DUSP22: variants seen among roughly 807,000 people sequenced by gnomAD.
DUSP22 encodes the protein dual specificity phosphatase 22, also known as dual specificity protein phosphatase 22.
DUSP22 carries 24 observed loss-of-function variants against 24.5 expected under a neutral mutation model. The observed-to-expected ratio is 0.98, with a 90% CI of 0.71 to 1.38. The LOEUF (loss-of-function observed/expected upper bound fraction) is 1.38. DUSP22 is among the 40% of genes most tolerant of loss of function. DUSP22 has a pLI of 0.00. For synonymous variants in DUSP22, 160 were observed against 106.4 expected, an observed-to-expected ratio of 1.50 and a Z score of -3.10; for missense variants, 330 against 269.2, an observed-to-expected ratio of 1.23 and a Z score of -1.58.
chr6:345,951 A>G (rs1334777411), intron 5 of DUSP22, 23 bp downstream of exon 5: 8 of 1,613,554 alleles, frequency 5.0e-6, no homozygotes, highest in Non-Finnish European at 6.8e-6. Flanking sequence ...CTTGCTTAAT[A>G]GCGCCTTAGC....
chr6:334,444 G>C (rs114500797), intron 3 of DUSP22, among the ~76,000 whole-genome samples: 333 of 152,186 alleles, frequency 2.2e-3, no homozygotes, highest in African/African-American at 7.5e-3. Flanking sequence ...GCCTGTTGTA[G>C]CATGGATTTA....
chr6:335,407 G>A (rs1452223648), intron 4 of DUSP22, among the ~76,000 whole-genome samples: 1 of 152,300 alleles, frequency 6.6e-6, no homozygotes. Flanking sequence ...CTGTCCACAA[G>A]AAGGGTCTGA....
intron 3 of DUSP22, among the ~76,000 whole-genome samples, chr6:316,325 G>A (rs561207837): frequency 5.7e-4 from 87 of 152,392 alleles, no homozygotes; most frequent in East Asian, 1.9e-3. Flanking sequence ...GTAAAATGGC[G>A]GAAAATCATT....
intron 3 of DUSP22, among the ~76,000 whole-genome samples, chr6:333,799 G>A (rs1289113437): frequency 6.6e-6 from 1 of 152,298 alleles, no homozygotes; most frequent in African/African-American, 2.4e-5. Context: ...GCCCACGTGT[G>A]CTTCCCGGAT....
chr6:350,123 T>A lies in DUSP22; in HGVS notation c.*1172T>A, dbSNP rs1438236485. ...TGAATGTTTTTGGAAAGGTGTTTTTTGGTATGCAAGTCAGCTTTGCCTCAC... is the reference window on the plus strand; with the variant it reads ...TGAATGTTTTTGGAAAGGTGTTTTTAGGTATGCAAGTCAGCTTTGCCTCAC... On this transcript the variant is annotated 3_prime_UTR_variant, in exon 7 of 7. Transcript: ENST00000419235. 3.0e-6 allele frequency: 3 copies of A among 985,926 alleles called. No homozygotes were observed. The African/African-American group carries it at 5.2e-5, about 17-fold the overall frequency. The allele number at this position is 985,926 out of a possible 1,614,324, so 61.1% of individuals were successfully genotyped here. A position where few individuals can be genotyped will look rare whatever the true frequency, so the allele number is the denominator to read the frequency against.
At position 311,950 on chromosome 6, in the gene DUSP22, G is replaced by T. The variant is rs746451164; in HGVS notation, c.126G>T (p.Arg42Ser). 28 of 1,611,986 alleles carry T rather than the reference G, an allele frequency of 1.7e-5. No homozygotes were observed. The highest frequency in any genetic ancestry group is 2.4e-5 in the Non-Finnish European group (28 of 1,178,790). Reference protein sequence around the residue: ...THILSVHDSARPMLEGVKYLC... With the variant: ...THILSVHDSASPMLEGVKYLC... Reference sequence around the variant, plus strand: ...TTCTGTCTGTCCACGATAGTGCCAGGCCTATGTTGGAGGTAAGAGAGCACC... The same window carrying T: ...TTCTGTCTGTCCACGATAGTGCCAGTCCTATGTTGGAGGTAAGAGAGCACC... The change falls in exon 3 of 7, where the codon AGG (arginine) becomes AGT (serine). Residue 42 changes from arginine to serine, a missense_variant. Transcript: ENST00000419235.
chr6:338,268 C>T (rs555770514), intron 4 of DUSP22, among the ~76,000 whole-genome samples: 13 of 152,400 alleles, frequency 8.5e-5, no homozygotes, highest in Admixed American at 3.3e-4. Flanking sequence ...GAGCTGACTT[C>T]GGAACTTTGA....
chr6:309,511 C>T (rs1486343906), intron 2 of DUSP22, among the ~76,000 whole-genome samples: 5 of 152,292 alleles, frequency 3.3e-5, no homozygotes, highest in Non-Finnish European at 7.3e-5. Flanking sequence ...TTTAATATCA[C>T]CTAAATTTTT....
At chr6:345,682 T>C (rs1489547778) in intron 4 of DUSP22, among the ~76,000 whole-genome samples, 172 bp from the exon 5 acceptor site, 1 of 152,310 alleles carries the variant, frequency 6.6e-6, no homozygotes, top group East Asian at 1.9e-4. Flanking sequence ...TATTATACAA[T>C]GTATACATGC....
In DUSP22 at chr6:350,479, A is replaced by T; in HGVS notation, c.*1528A>T. On this transcript the variant is annotated 3_prime_UTR_variant, in exon 7 of 7. Transcript: ENST00000419235. ...CCACCACAAAAAGAGACCCTGAATA[A>T]GAAGAGCAGTTTTCCTGTGCATATA... 8.5e-7 allele frequency: 1 copy of T among 1,182,244 alleles called. No individual in the cohort carries two copies. Among genetic ancestry groups the T allele is most frequent in the Non-Finnish European group, 1.1e-6 (1 of 951,892 alleles). 73.2% of individuals were successfully genotyped at this position (1,182,244 alleles called of 1,614,324 possible). A position where few individuals can be genotyped will look rare whatever the true frequency, so the allele number is the denominator to read the frequency against.
Position 349,433 on chromosome 6 carries a change from C to A in DUSP22, c.*482C>A, listed in dbSNP as rs1760072972. 9.9e-7 allele frequency: 1 copy of A among 1,009,364 alleles called. No individual in the cohort carries two copies. Among genetic ancestry groups the A allele is most frequent in the Non-Finnish European group, 1.2e-6 (1 of 844,956 alleles). 62.5% of individuals were successfully genotyped at this position (1,009,364 alleles called of 1,614,324 possible). ...ACCTTTCCCTTTGTCCAAGACTCCACATGGAAGGCATTTGAGCTCGACCTC... is the reference window on the plus strand; with the variant it reads ...ACCTTTCCCTTTGTCCAAGACTCCAAATGGAAGGCATTTGAGCTCGACCTC... On this transcript the variant is annotated 3_prime_UTR_variant, in exon 7 of 7. Transcript: ENST00000419235.
In DUSP22 at chr6:349,161, G is replaced by C; in HGVS notation, c.*210G>C. On this transcript the variant is annotated 3_prime_UTR_variant, in exon 7 of 7. Coordinates refer to ENST00000419235, the MANE Select transcript of DUSP22 (RefSeq NM_001286555.3). ...TACCCTGGCTGCACCTGAGCTTGCT[G>C]CCCCTGGGGATGTTGCCCAGTGGCT... 7.0e-7 allele frequency: 1 copy of C among 1,434,242 alleles called. No homozygotes were observed. Among genetic ancestry groups the C allele is most frequent in the Non-Finnish European group, 9.1e-7 (1 of 1,100,042 alleles). The allele number at this position is 1,434,242 out of a possible 1,614,324, so 88.8% of individuals were successfully genotyped here.
intron 1 of DUSP22, 67 bp downstream of exon 1, chr6:292,627 G>T: frequency 6.4e-7 from 1 of 1,555,254 alleles, no homozygotes; most frequent in South Asian, 1.2e-5. Context: ...CGCCGGCGTC[G>T]GCTGCCCGAC....
intron 3 of DUSP22, among the ~76,000 whole-genome samples, chr6:331,490 C>G (rs1759137387): frequency 6.6e-6 from 1 of 152,290 alleles, no homozygotes; most frequent in Non-Finnish European, 1.5e-5. Flanking sequence ...TTATCCTGTC[C>G]TTTATTTCTA....
At chr6:317,468 A>T (rs985816591) in intron 3 of DUSP22, among the ~76,000 whole-genome samples, 2 of 152,302 alleles carry the variant, frequency 1.3e-5, no homozygotes, top group African/African-American at 4.8e-5. Flanking sequence ...TCCTGCTCAC[A>T]TGAATTCTCC....
chr6:298,249 A>T (rs1283029784), intron 1 of DUSP22, among the ~76,000 whole-genome samples: 1 of 152,188 alleles, frequency 6.6e-6, no homozygotes, highest in Non-Finnish European at 1.5e-5. Flanking sequence ...AAACTGGTTA[A>T]GTCCATGGCC....
chr6:297,727 C>T (rs11756737), intron 1 of DUSP22, among the ~76,000 whole-genome samples: 1 of 152,308 alleles, frequency 6.6e-6, no homozygotes, highest in African/African-American at 2.4e-5. Flanking sequence ...CCTGTGTGAT[C>T]TGGAACTGGA....
At chr6:301,857 A>G (rs774548071) in intron 1 of DUSP22, among the ~76,000 whole-genome samples, 1 of 152,304 alleles carries the variant, frequency 6.6e-6, no homozygotes, top group Non-Finnish European at 1.5e-5. Context: ...TAGGAGTCAG[A>G]ACATCATGGT....
At position 349,264 on chromosome 6, in the gene DUSP22, T is replaced by C. The variant is rs1402997123; in HGVS notation, c.*313T>C. On this transcript the variant is annotated 3_prime_UTR_variant, in exon 7 of 7. Transcript: ENST00000419235. ...CTAAGTGGATGCATGTGTGTGCCTGTGTGAGTGAGGGTATGTGCACCTAAG... is the reference window on the plus strand; with the variant it reads ...CTAAGTGGATGCATGTGTGTGCCTGCGTGAGTGAGGGTATGTGCACCTAAG... The C allele has an allele frequency of 7.5e-7, 1 of 1,326,756 alleles. No homozygotes were observed. The allele number at this position is 1,326,756 out of a possible 1,614,324, so 82.2% of individuals were successfully genotyped here.
Sources: allele counts gnomAD v4.1 joint callset (sites outside exome capture counted in the v4.1 genomes callset), GRCh38; gene constraint gnomAD v4.1.1; transcripts MANE v1.5; gene names NCBI Gene and HGNC (gene_info 2026-07-23, HGNC 2026-07-21).